Variants in PLPPR1 observed in about 807,000 individuals in gnomAD.
The protein encoded by PLPPR1 is phospholipid phosphatase-related protein type 1.
A neutral mutation model predicts 33.1 loss-of-function variants in PLPPR1; 10 were observed. The observed-to-expected ratio is 0.30, with a 90% CI of 0.19 to 0.51. The LOEUF (loss-of-function observed/expected upper bound fraction) is 0.51, where lower values mean the gene tolerates loss of function less well. PLPPR1 is among the 20% of genes least tolerant of loss of function. The pLI is 0.97. For missense variants in PLPPR1, 304 were observed against 408.1 expected, an observed-to-expected ratio of 0.74 and a Z score of 2.20; for synonymous variants, 151 against 151.0, an observed-to-expected ratio of 1.00 and a Z score of 0.00.
At chr9:101,285,650 T>C (rs770371553) in intron 3 of PLPPR1, among the ~76,000 whole-genome samples, 8 of 152,190 alleles carry the variant, frequency 5.3e-5, no homozygotes, top group Non-Finnish European at 8.8e-5. Context: ...ATACAGTATG[T>C]CATTTCACTT....
intron 6 of PLPPR1, among the ~76,000 whole-genome samples, chr9:101,314,801 CAA>C (rs937903029): frequency 6.7e-6 from 1 of 150,262 alleles, no homozygotes; most frequent in African/African-American, 2.4e-5. Flanking sequence ...AGAAATAAAA[CAA>C]AAATGTGCCA....
At chr9:101,165,719 C>T (rs1372066468) in intron 1 of PLPPR1, among the ~76,000 whole-genome samples, 1 of 152,096 alleles carries the variant, frequency 6.6e-6, no homozygotes, top group East Asian at 1.9e-4. Flanking sequence ...GCAGAAAGTT[C>T]TTTGTCATCT....
chr9:101,162,105 TAA>T (rs35736417), intron 1 of PLPPR1, among the ~76,000 whole-genome samples: 322 of 146,024 alleles, frequency 2.2e-3, no homozygotes, highest in South Asian at 5.3e-3. Flanking sequence ...CCACAATTGT[TAA>T]AAAAAAAAAA....
chr9:101,280,403 A>C (rs1026523462), intron 3 of PLPPR1, among the ~76,000 whole-genome samples: 1 of 152,170 alleles, frequency 6.6e-6, no homozygotes, highest in African/African-American at 2.4e-5. Flanking sequence ...ATTCTGCAAA[A>C]TAGAGGAGCA....
intron 1 of PLPPR1, among the ~76,000 whole-genome samples, chr9:101,029,771 C>G (rs1041071904): frequency 6.6e-6 from 1 of 152,080 alleles, no homozygotes; most frequent in African/African-American, 2.4e-5. Flanking sequence ...TAATCACCTC[C>G]TAGAACGGAG....
Position 101,312,834 on chromosome 9 carries a change from C to T in PLPPR1, c.673C>T (p.Arg225Ter), listed in dbSNP as rs776464922. ...ITSTIKTKSS[R>*]LAKPVLCLGT... ...AAGCACAATCAAGACGAAGAGCAGT[C>T]GACTGGCCAAGCCGGTGCTGTGCCT... Residue 225 changes from arginine (R) to a stop codon, truncating the protein, a stop_gained, in exon 6 of 8, where the codon CGA becomes TGA. Transcript: ENST00000374874. LOFTEE classifies it high-confidence loss of function. 1 of 1,614,114 alleles carries T rather than the reference C, an allele frequency of 6.2e-7. No individual in the cohort carries two copies.
At chr9:101,112,205 G>A (rs919892111) in intron 1 of PLPPR1, among the ~76,000 whole-genome samples, 1 of 152,174 alleles carries the variant, frequency 6.6e-6, no homozygotes, top group Non-Finnish European at 1.5e-5. Flanking sequence ...ATTCATGGTG[G>A]TGAAGACAAC....
intron 1 of PLPPR1, 30 bp downstream of exon 1, chr9:101,029,132 G>A (rs975949858): frequency 6.5e-6 from 1 of 152,930 alleles, no homozygotes; most frequent in Admixed American, 6.5e-5. Context: ...CCGGGCCGCT[G>A]GGGAAGTCTC....
chr9:101,085,872 C>T (rs756026013), intron 1 of PLPPR1, among the ~76,000 whole-genome samples: 18 of 152,008 alleles, frequency 1.2e-4, no homozygotes, highest in Non-Finnish European at 2.1e-4. Context: ...GGGGGGGGCT[C>T]TACTGTCTTC....
At chr9:101,061,924 G>T (rs1830352540) in intron 1 of PLPPR1, among the ~76,000 whole-genome samples, 1 of 151,916 alleles carries the variant, frequency 6.6e-6, no homozygotes, top group South Asian at 2.1e-4. Flanking sequence ...TATCTAGCTG[G>T]CTTGAGTCTA....
intron 2 of PLPPR1, among the ~76,000 whole-genome samples, chr9:101,266,002 A>C (rs898136231): frequency 3.3e-5 from 5 of 152,060 alleles, no homozygotes; most frequent in Admixed American, 3.3e-4. Flanking sequence ...CCTCAAAAAA[A>C]AAAGGTCACA....
intron 2 of PLPPR1, among the ~76,000 whole-genome samples, chr9:101,254,834 G>A (rs1362820934): frequency 6.6e-6 from 1 of 152,086 alleles, no homozygotes; most frequent in African/African-American, 2.4e-5. Context: ...AACCAAAAAT[G>A]ACACTGTATT....
At chr9:101,313,494 A>G (rs181515139) in intron 6 of PLPPR1, among the ~76,000 whole-genome samples, 1 of 152,190 alleles carries the variant, frequency 6.6e-6, no homozygotes, top group African/African-American at 2.4e-5. Flanking sequence ...CGCCCTTTTT[A>G]GTGGGCCTCT....
chr9:101,238,349 G>GTA (rs199647180), intron 2 of PLPPR1, among the ~76,000 whole-genome samples: 15,593 of 132,810 alleles, frequency 0.12, 1,096 homozygotes, highest in East Asian at 0.26. Context: ...ATATATAGAG[G>GTA]TGTATATATA....
chr9:101,252,968 CATG>C (rs1163903555), intron 2 of PLPPR1, among the ~76,000 whole-genome samples: 3 of 151,962 alleles, frequency 2.0e-5, no homozygotes, highest in African/African-American at 7.3e-5. Flanking sequence ...TTTAAAAACT[CATG>C]ATGAGAAAAT....
intron 2 of PLPPR1, among the ~76,000 whole-genome samples, chr9:101,212,042 T>A (rs962337690): frequency 1.3e-5 from 2 of 152,110 alleles, no homozygotes; most frequent in Non-Finnish European, 2.9e-5. Context: ...TGAGATTTTT[T>A]TTTTCTTAGA....
At chr9:101,291,249 ATTGCCCAGGCTTGC>A (rs1278887642) in intron 4 of PLPPR1, among the ~76,000 whole-genome samples, 3 of 152,202 alleles carry the variant, frequency 2.0e-5, no homozygotes, top group African/African-American at 7.2e-5. Flanking sequence ...GGCGCCCGCC[ATTGCCCAGGCTTGC>A]TTAGGTAAAC....
rs888137287 is a variant in PLPPR1, at chr9:101,108,020, G to T, written c.-45-77430G>T. 4.0e-5 allele frequency among the ~76,000 whole-genome samples: 6 copies of T among 148,448 alleles called. 1 individual carries two copies. Among genetic ancestry groups the T allele is most frequent in the Non-Finnish European group, 6.0e-5 (4 of 67,218 alleles). The stretch of plus-strand genomic sequence containing the variant: ...CCCTGCTTCGGCTCGCGCACGGTGC[G>T]CGCACACACTGGCCTGCGCCCACTG... On this transcript the variant is annotated intron_variant, in intron 1 of 7. Transcript: ENST00000374874.
chr9:101,291,101 C>A (rs528966003), intron 4 of PLPPR1, among the ~76,000 whole-genome samples: 6 of 152,200 alleles, frequency 3.9e-5, no homozygotes, highest in African/African-American at 1.4e-4. Context: ...GCTTTTCCGA[C>A]AACAGGCTTA....
Sources: gnomAD v4.1 joint callset for allele counts (sites outside exome capture counted in the v4.1 genomes callset) on GRCh38, gnomAD v4.1.1 for gene constraint, MANE v1.5 for transcripts, NCBI Gene and HGNC (gene_info 2026-07-23, HGNC 2026-07-21) for gene names.